The following EGFLAM variants were observed in gnomAD, a reference collection of about 807,000 sequenced individuals.
EGFLAM encodes pikachurin.
In EGFLAM, 79 loss-of-function variants were observed where a neutral mutation model predicts 113.1. The ratio of observed to expected loss-of-function variants is 0.70; its 90% CI spans 0.58 to 0.84. EGFLAM has a LOEUF of 0.84. Ranked by LOEUF, EGFLAM falls within the 40% of genes least tolerant of loss-of-function variation. The probability of loss-of-function intolerance (pLI) is 0.00; values close to 1 mark genes in which losing one functional copy is unlikely to be tolerated. For synonymous variants in EGFLAM, 504 were observed against 487.6 expected, an observed-to-expected ratio of 1.03 and a Z score of -0.44; for missense variants, 1,265 against 1,291.6, an observed-to-expected ratio of 0.98 and a Z score of 0.32.
intron 8 of EGFLAM, 25 bp downstream of exon 8, chr5:38,407,171 A>AT (rs111320305): frequency 0.29 from 458,008 of 1,605,692 alleles, 75,519 homozygotes; most frequent in African/African-American, 0.76. Context: ...GAGAGGAAGA[A>AT]GTGGTGATGA....
At chr5:38,375,458 G>A (rs553514728) in intron 6 of EGFLAM, among the ~76,000 whole-genome samples, 1 of 152,264 alleles carries the variant, frequency 6.6e-6, no homozygotes, top group African/African-American at 2.4e-5. Flanking sequence ...TGTTCAAGGA[G>A]ATCCTTGAGG....
At chr5:38,307,076 C>A (rs1758738977) in intron 1 of EGFLAM, among the ~76,000 whole-genome samples, 1 of 152,196 alleles carries the variant, frequency 6.6e-6, no homozygotes. Context: ...GTCAGGCCAA[C>A]CCACTGATGC....
chr5:38,451,518 C>G, intron 19 of EGFLAM, 60 bp downstream of exon 19: 1 of 1,584,160 alleles, frequency 6.3e-7, no homozygotes, highest in Non-Finnish European at 8.6e-7. Context: ...CATTGCAGAT[C>G]ATGCCAGAGT....
chr5:38,280,864 G>A (rs1440647461), intron 1 of EGFLAM, among the ~76,000 whole-genome samples: 1 of 152,178 alleles, frequency 6.6e-6, no homozygotes, highest in African/African-American at 2.4e-5. Flanking sequence ...ATAAGGTTTT[G>A]ATTTGTGTTT....
At chr5:38,267,742 C>T (rs1757667892) in intron 1 of EGFLAM, among the ~76,000 whole-genome samples, 1 of 152,126 alleles carries the variant, frequency 6.6e-6, no homozygotes, top group Non-Finnish European at 1.5e-5. Context: ...TTTGGAACTT[C>T]ACCTCTGTCT....
intron 15 of EGFLAM, among the ~76,000 whole-genome samples, chr5:38,434,244 C>A (rs1463628339): frequency 6.6e-6 from 1 of 152,202 alleles, no homozygotes; most frequent in African/African-American, 2.4e-5. Context: ...TTGACCACCT[C>A]CCCTACTCCC....
At chr5:38,439,149 G>A (rs1244886375) in intron 17 of EGFLAM, among the ~76,000 whole-genome samples, 4 of 152,216 alleles carry the variant, frequency 2.6e-5, no homozygotes, top group South Asian at 2.1e-4. Context: ...ATTATTATTC[G>A]TGGGGAGAAA....
rs73073494 is a variant in EGFLAM, at chr5:38,346,032, C to T, written c.292-4469C>T. Reference sequence around the variant, plus strand: ...AGCCCCCTTGATTTTTACCATTATGCCACTTTCCGGAGTGTCAGTGCAGGA... The same window carrying T: ...AGCCCCCTTGATTTTTACCATTATGTCACTTTCCGGAGTGTCAGTGCAGGA... On this transcript the variant is annotated intron_variant, in intron 3 of 21. Transcript: ENST00000322350. 2.0e-5 allele frequency among the ~76,000 whole-genome samples: 3 copies of T among 152,204 alleles called. No homozygotes were observed. The East Asian group carries it at 5.8e-4, about 29-fold the overall frequency.
chr5:38,364,135 G>C (rs182423309), intron 5 of EGFLAM, among the ~76,000 whole-genome samples: 17 of 152,306 alleles, frequency 1.1e-4, no homozygotes, highest in Admixed American at 5.2e-4. Context: ...ATGAGCATAT[G>C]TTCATACAAA....
intron 6 of EGFLAM, among the ~76,000 whole-genome samples, chr5:38,383,729 A>G (rs1026937494): frequency 2.6e-5 from 4 of 152,180 alleles, no homozygotes; most frequent in Non-Finnish European, 5.9e-5. Flanking sequence ...GGAAAAGTGA[A>G]GGGCTAAGAG....
chr5:38,425,622 G>A (rs1055437826), intron 13 of EGFLAM, among the ~76,000 whole-genome samples: 3 of 152,182 alleles, frequency 2.0e-5, no homozygotes, highest in Non-Finnish European at 4.4e-5. Context: ...CTCATCTGAT[G>A]TTGAGCCTTT....
At chr5:38,302,469 C>T (rs1282870960) in intron 1 of EGFLAM, among the ~76,000 whole-genome samples, 1 of 151,904 alleles carries the variant, frequency 6.6e-6, no homozygotes, top group Non-Finnish European at 1.5e-5. Flanking sequence ...ATAATGACTA[C>T]CTCATAAGAT....
In EGFLAM at chr5:38,438,335, G is replaced by A; in HGVS notation, c.2344G>A (p.Glu782Lys). 1 of 1,614,116 alleles carries A rather than the reference G, an allele frequency of 6.2e-7. No individual in the cohort carries two copies. Among genetic ancestry groups the A allele is most frequent in the Non-Finnish European group, 8.5e-7 (1 of 1,180,006 alleles). ...TGACTTCACCTCCGGAGTGAATGTG[G>A]AGAATGCGGCCCACCCCTGTGTGAG... is the stretch of plus-strand genomic sequence containing the variant. ...KHDFTSGVNV[E>K]NAAHPCVRAP... Residue 782 changes from glutamate to lysine, a missense_variant, in exon 17 of 22, where the codon GAG becomes AAG. Physicochemically the swap from Glu to Lys is moderately conservative, Grantham distance 56 (BLOSUM62 1). Coordinates refer to ENST00000322350, the MANE Select transcript of EGFLAM (RefSeq NM_152403.4).
intron 17 of EGFLAM, among the ~76,000 whole-genome samples, chr5:38,442,500 TTTAA>T (rs1270925312): frequency 4.6e-5 from 7 of 151,410 alleles, no homozygotes; most frequent in African/African-American, 1.2e-4. Flanking sequence ...AGAGAGGTTA[TTTAA>T]TTATTGTTAC....
intron 5 of EGFLAM, among the ~76,000 whole-genome samples, chr5:38,358,870 A>G (rs1160090707): frequency 1.3e-5 from 2 of 152,328 alleles, no homozygotes; most frequent in East Asian, 3.9e-4. Flanking sequence ...AGGCTGTAAC[A>G]TATTTTGCAG....
In EGFLAM at chr5:38,464,119, C is replaced by A. The variant is rs932698976; in HGVS notation, c.*133C>A. 2 of 1,220,170 alleles carry A rather than the reference C, an allele frequency of 1.6e-6. No individual in the cohort carries two copies. Among genetic ancestry groups the A allele is most frequent in the East Asian group, 2.5e-5 (1 of 39,884 alleles). 75.6% of individuals were successfully genotyped at this position (1,220,170 alleles called of 1,614,324 possible). On this transcript the variant is annotated 3_prime_UTR_variant, in exon 22 of 22. Transcript: ENST00000322350. ...CCTCTCACCAAGAAGAAAGTACACA[C>A]TGATGAGAAACTGAGAACCAAGACA...
rs73071597 is a variant in EGFLAM, at chr5:38,266,926, T to C, written c.97+8075T>C. ...AATCACTGCTAGGGACATGGAAAAA[T>C]AGACCGGGCTCACTCAGTCCATTTC... is the stretch of plus-strand genomic sequence containing the variant. On this transcript the variant is annotated intron_variant, in intron 1 of 21. Coordinates refer to ENST00000322350, the MANE Select transcript of EGFLAM (RefSeq NM_152403.4). 3.3e-3 allele frequency among the ~76,000 whole-genome samples: 507 copies of C among 152,254 alleles called. 6 individuals carry two copies. The highest frequency in any genetic ancestry group is 0.012 in the African/African-American group (493 of 41,538).
intron 6 of EGFLAM, among the ~76,000 whole-genome samples, chr5:38,385,921 C>T (rs1422963800): frequency 1.3e-5 from 2 of 152,170 alleles, no homozygotes; most frequent in African/African-American, 4.8e-5. Flanking sequence ...GCCTACAGCA[C>T]GCCTAGGATC....
chr5:38,421,953 C>A (rs943442697), intron 12 of EGFLAM, among the ~76,000 whole-genome samples: 1 of 151,978 alleles, frequency 6.6e-6, no homozygotes, highest in Non-Finnish European at 1.5e-5. Context: ...TACATGTAGA[C>A]CAGCTGAGGT....
Sources: allele counts gnomAD v4.1 joint callset (sites outside exome capture counted in the v4.1 genomes callset), GRCh38; gene constraint gnomAD v4.1.1; transcripts MANE v1.5; gene names NCBI Gene and HGNC (gene_info 2026-07-23, HGNC 2026-07-21).